Variants in NR3C1 observed in about 807,000 individuals in gnomAD.
The protein encoded by NR3C1 is glucocorticoid receptor.
A neutral mutation model predicts 74.0 loss-of-function variants in NR3C1; 14 were observed. That is an observed-to-expected ratio of 0.19 (90% confidence interval 0.12 to 0.30). The LOEUF is 0.30. Among genes scored for constraint, NR3C1 ranks in the 10% least tolerant of loss-of-function variants. The probability of loss-of-function intolerance (pLI) is 1.00; values close to 1 mark genes in which losing one functional copy is unlikely to be tolerated. For synonymous variants in NR3C1, 308 were observed against 332.5 expected, an observed-to-expected ratio of 0.93 and a Z score of 0.80; for missense variants, 695 against 909.8, an observed-to-expected ratio of 0.76 and a Z score of 3.04.
At chr5:143,426,884 C>A (rs554541714) in intron 1 of NR3C1, among the ~76,000 whole-genome samples, 2 of 152,330 alleles carry the variant, frequency 1.3e-5, no homozygotes, top group African/African-American at 4.8e-5. Context: ...AGGGCACCAA[C>A]AGTATCTGCT....
At chr5:143,428,749 G>C (rs1318164862) in intron 1 of NR3C1, among the ~76,000 whole-genome samples, 4 of 152,158 alleles carry the variant, frequency 2.6e-5, no homozygotes, top group African/African-American at 7.2e-5. Flanking sequence ...GTGAGTCCAA[G>C]AAAAGGAAAT....
At chr5:143,423,969 G>T (rs750989703) in intron 1 of NR3C1, among the ~76,000 whole-genome samples, 9 of 144,410 alleles carry the variant, frequency 6.2e-5, no homozygotes, top group African/African-American at 1.3e-4. Context: ...TAAAGAGGGG[G>T]TGTTTAACCG....
At chr5:143,419,560 G>A (rs1368580492) in intron 1 of NR3C1, among the ~76,000 whole-genome samples, 1 of 152,174 alleles carries the variant, frequency 6.6e-6, no homozygotes, top group Non-Finnish European at 1.5e-5. Flanking sequence ...GACATCACAT[G>A]TTGGTAGGTT....
In NR3C1 at chr5:143,345,907, T is replaced by C. The variant is rs117082646; in HGVS notation, c.1185-31739A>G. On this transcript the variant is annotated intron_variant, in intron 2 of 8. Transcript: ENST00000394464. ...TAACTCTTGTTTATATCAATTAGCC[T>C]GTGGTAAAATTGGTTTCATTAGAGG... Among the ~76,000 whole-genome samples, 429 of 152,294 alleles carry C rather than the reference T, an allele frequency of 2.8e-3. 10 individuals are homozygous for C. The East Asian group carries it at 0.065, about 23-fold the overall frequency.
intron 2 of NR3C1, among the ~76,000 whole-genome samples, chr5:143,326,484 T>G (rs1333665243): frequency 1.3e-5 from 2 of 152,258 alleles, no homozygotes; most frequent in Non-Finnish European, 2.9e-5. Flanking sequence ...ATTATTAAGA[T>G]AATGTCATGC....
Position 143,285,390 on chromosome 5 carries a change from CATT to C in NR3C1, c.2024-2668_2024-2666del, listed in dbSNP as rs370615465. ...TCAGAGATATAGCAGACAAATCTAACATTATAAACACCTTTGTCTCAGAATCAA... is the reference window on the plus strand; with the variant it reads ...TCAGAGATATAGCAGACAAATCTAACATAAACACCTTTGTCTCAGAATCAA... On this transcript the variant is annotated intron_variant, in intron 7 of 8. Transcript: ENST00000394464. Among the ~76,000 whole-genome samples the C allele has an allele frequency of 4.2e-3, 635 of 152,256 alleles. 2 individuals are homozygous for C. Among genetic ancestry groups the C allele is most frequent in the African/African-American group, 0.015 (609 of 41,568 alleles).
intron 2 of NR3C1, among the ~76,000 whole-genome samples, chr5:143,326,137 T>A (rs1401702520): frequency 6.6e-6 from 1 of 152,364 alleles, no homozygotes; most frequent in South Asian, 2.1e-4. Context: ...AAAGTCGCAT[T>A]ATAAGGCAAC....
At chr5:143,310,018 T>C in intron 4 of NR3C1, 79 bp downstream of exon 4, 1 of 1,020,628 alleles carries the variant, frequency 9.8e-7, no homozygotes, top group Non-Finnish European at 1.5e-6. Context: ...TACATCTGCT[T>C]ACGTGTATCT....
intron 2 of NR3C1, among the ~76,000 whole-genome samples, chr5:143,353,213 C>A (rs892644440): frequency 7.9e-5 from 12 of 152,196 alleles, no homozygotes; most frequent in African/African-American, 2.9e-4. Context: ...GGCTCCACTT[C>A]TAATTCTAGT....
At chr5:143,319,649 T>C (rs1822926301) in intron 2 of NR3C1, among the ~76,000 whole-genome samples, 1 of 152,128 alleles carries the variant, frequency 6.6e-6, no homozygotes, top group African/African-American at 2.4e-5. Flanking sequence ...GAAATGCTAT[T>C]GGCATCTAAG....
At chr5:143,369,993 T>C (rs1211097759) in intron 2 of NR3C1, among the ~76,000 whole-genome samples, 2 of 152,196 alleles carry the variant, frequency 1.3e-5, no homozygotes, top group African/African-American at 4.8e-5. Flanking sequence ...AATCTTGCAA[T>C]CTTCAAGTTT....
intron 2 of NR3C1, among the ~76,000 whole-genome samples, chr5:143,353,062 T>A (rs1830495293): frequency 2.0e-5 from 3 of 152,234 alleles, no homozygotes; most frequent in Admixed American, 2.0e-4. Flanking sequence ...TTTGTTGTTA[T>A]TTCAACAAGG....
intron 2 of NR3C1, among the ~76,000 whole-genome samples, chr5:143,374,889 T>C (rs1834901827): frequency 6.6e-6 from 1 of 152,182 alleles, no homozygotes; most frequent in Non-Finnish European, 1.5e-5. Context: ...TGTATTTTAC[T>C]TGGGCCTTCA....
At chr5:143,405,444 C>T, upstream of NR3C1, 1 of 765,076 alleles carries the variant, frequency 1.3e-6, no homozygotes, top group Non-Finnish European at 1.6e-6. Context: ...GGTACAGTGT[C>T]GCCAGCCCGT....
intron 1 of NR3C1, among the ~76,000 whole-genome samples, chr5:143,413,145 A>T (rs1337040542): frequency 2.0e-5 from 3 of 152,198 alleles, no homozygotes; most frequent in African/African-American, 7.2e-5. Context: ...GTTACAAGTC[A>T]TTATAGAACA....
chr5:143,407,673 C>T (rs1478368630), upstream of NR3C1, among the ~76,000 whole-genome samples: 1 of 152,204 alleles, frequency 6.6e-6, no homozygotes, highest in Non-Finnish European at 1.5e-5. Flanking sequence ...AACCTTAAGC[C>T]TGACTAATAA....
chr5:143,331,995 T>C (rs1445190793), intron 2 of NR3C1, among the ~76,000 whole-genome samples: 1 of 152,086 alleles, frequency 6.6e-6, no homozygotes, highest in African/African-American at 2.4e-5. Flanking sequence ...AAGGAACCAA[T>C]AAAACAATGA....
Position 143,400,372 on chromosome 5 carries a change from A to T in NR3C1, c.468T>A (p.Phe156Leu). The T allele has an allele frequency of 6.2e-7, 1 of 1,614,072 alleles. No individual in the cohort carries two copies. Residue 156 changes from phenylalanine to leucine, a missense_variant, in exon 2 of 9, where the codon TTT (phenylalanine) becomes TTA (leucine). Phe to Leu is a conservative substitution (Grantham distance 22, BLOSUM62 0). Transcript: ENST00000394464. ...AVSAAPTEKE[F>L]PKTHSDVSSE... is the part of the protein sequence containing the mutation. ...AAGATACATCAGAGTGAGTTTTTGG[A>T]AACTCCTTCTCTGTGGGGGCAGCAG...
intron 2 of NR3C1, among the ~76,000 whole-genome samples, chr5:143,322,503 T>C (rs577691763): frequency 5.1e-4 from 77 of 152,298 alleles, no homozygotes; most frequent in African/African-American, 1.7e-3. Context: ...TTTGCCCAAA[T>C]AGGGATTGCC....
Sources: gnomAD v4.1 joint callset for allele counts (sites outside exome capture counted in the v4.1 genomes callset) on GRCh38, gnomAD v4.1.1 for gene constraint, MANE v1.5 for transcripts, NCBI Gene and HGNC (gene_info 2026-07-23, HGNC 2026-07-21) for gene names.